The following GDA variants were observed in gnomAD, a reference collection of about 807,000 sequenced individuals.
The protein encoded by GDA is guanine deaminase.
A neutral mutation model predicts 59.6 loss-of-function variants in GDA; 18 were observed. The observed-to-expected ratio is 0.30, with a 90% confidence interval of 0.21 to 0.45. The LOEUF is 0.45. Ranked by LOEUF, GDA falls within the 20% of genes least tolerant of loss-of-function variation. GDA has a pLI of 1.00. For missense variants in GDA, 427 were observed against 552.3 expected (o/e 0.77, Z 2.27); for synonymous variants, 201 against 201.1 (o/e 1.00, Z 0.00).
chr9:72,248,380 G>A lies in GDA; in HGVS notation c.*38G>A, dbSNP rs778734479. On this transcript the variant is annotated 3_prime_UTR_variant, in exon 14 of 14. Transcript: ENST00000358399. ...TCTACAAAGTTCTCCTGGGATTAGC[G>A]TGGTTCTGCATCTCCCTTGTGCCCA... 3.8e-5 allele frequency: 62 copies of A among 1,612,746 alleles called. No individual in the cohort carries two copies. Among genetic ancestry groups the A allele is most frequent in the Non-Finnish European group, 4.3e-5 (51 of 1,179,316 alleles).
chr9:72,137,242 C>A (rs796136634), intron 1 of GDA, among the ~76,000 whole-genome samples: 2 of 84,514 alleles, frequency 2.4e-5, no homozygotes, highest in East Asian at 4.1e-4. Flanking sequence ...TTCTTTTTTT[C>A]TTTTTTTTTT....
chr9:72,225,854 G>T, intron 8 of GDA, 70 bp downstream of exon 8: 2 of 662,370 alleles, frequency 3.0e-6, no homozygotes, highest in South Asian at 2.1e-5. Context: ...AATCTCAATA[G>T]TAATCTTCAG....
At chr9:72,141,954 A>G (rs1030039606) in intron 1 of GDA, among the ~76,000 whole-genome samples, 3 of 152,190 alleles carry the variant, frequency 2.0e-5, no homozygotes, top group East Asian at 1.9e-4. Context: ...CTCTACTTCA[A>G]TATTGATCAA....
At chr9:72,206,384 T>C (rs186839072) in intron 3 of GDA, among the ~76,000 whole-genome samples, 1 of 152,284 alleles carries the variant, frequency 6.6e-6, no homozygotes, top group Non-Finnish European at 1.5e-5. Flanking sequence ...TTTTGCCGTG[T>C]ATACTATATT....
intron 2 of GDA, among the ~76,000 whole-genome samples, chr9:72,200,123 G>A (rs377306603): frequency 1.3e-3 from 194 of 149,184 alleles, no homozygotes; most frequent in African/African-American, 4.5e-3. Flanking sequence ...TCAGCCGCCC[G>A]AGTAGCTGGG....
intron 6 of GDA, among the ~76,000 whole-genome samples, chr9:72,220,375 A>G (rs532643283): frequency 2.0e-5 from 3 of 152,222 alleles, no homozygotes; most frequent in Non-Finnish European, 4.4e-5. Context: ...TATCGTTCAC[A>G]TATGTACAAA....
intron 1 of GDA, among the ~76,000 whole-genome samples, chr9:72,190,039 T>A (rs1832342019): frequency 6.6e-6 from 1 of 152,180 alleles, no homozygotes; most frequent in African/African-American, 2.4e-5. Context: ...CTCTAATCAG[T>A]GGATTAATGC....
intron 1 of GDA, among the ~76,000 whole-genome samples, chr9:72,156,780 A>T (rs1827940899): frequency 6.6e-6 from 1 of 152,146 alleles, no homozygotes; most frequent in Non-Finnish European, 1.5e-5. Flanking sequence ...CTGGTAGCTG[A>T]GGGTGACTAG....
chr9:72,145,143 G>A (rs898370818), upstream of GDA, among the ~76,000 whole-genome samples: 4 of 152,006 alleles, frequency 2.6e-5, no homozygotes, highest in East Asian at 3.9e-4. Context: ...ACTGACCTAC[G>A]CTGATTGGAT....
chr9:72,197,962 C>G (rs551298616), intron 2 of GDA, among the ~76,000 whole-genome samples: 1 of 152,110 alleles, frequency 6.6e-6, no homozygotes, highest in African/African-American at 2.4e-5. Context: ...GGCCATGGAC[C>G]CTGGACAGGT....
intron 12 of GDA, 29 bp downstream of exon 12, chr9:72,245,307 AT>A (rs1249209267): frequency 6.4e-7 from 1 of 1,558,532 alleles, no homozygotes; most frequent in South Asian, 1.1e-5. Flanking sequence ...ATCAAAAGGC[AT>A]TTATTTCATA....
chr9:72,128,339 G>A (rs1465196896), intron 1 of GDA, among the ~76,000 whole-genome samples: 3 of 152,156 alleles, frequency 2.0e-5, no homozygotes, highest in Non-Finnish European at 4.4e-5. Context: ...GTGATAGAGT[G>A]TGGTGGGGTG....
chr9:72,118,297 A>AAAAAAAAC (rs56666667), intron 1 of GDA, among the ~76,000 whole-genome samples: 1 of 148,378 alleles, frequency 6.7e-6, no homozygotes, highest in African/African-American at 2.5e-5. Context: ...AAAAAAAAAA[A>AAAAAAAAC]GAATGTAAAT....
At chr9:72,157,747 T>G (rs1229925591) in intron 1 of GDA, among the ~76,000 whole-genome samples, 1 of 152,236 alleles carries the variant, frequency 6.6e-6, no homozygotes, top group Non-Finnish European at 1.5e-5. Context: ...CACTATTGCC[T>G]CTAAGTTTCA....
Position 72,225,802 on chromosome 9 carries a change from A to T in GDA, c.822+18A>T, listed in dbSNP as rs1167243836. ...CAAATAAGGTAAGTTTTATATCATG[A>T]CATAATCTGTTTAAAGGAGGGCATA... On this transcript the variant is annotated intron_variant, in intron 8 of 13. Transcript: ENST00000358399. 1.1e-6 allele frequency: 1 copy of T among 948,258 alleles called. No individual in the cohort carries two copies. Among genetic ancestry groups the T allele is most frequent in the Non-Finnish European group, 1.7e-6 (1 of 599,024 alleles). 58.7% of individuals were successfully genotyped at this position (948,258 alleles called of 1,614,324 possible).
At chr9:72,162,034 C>T (rs1828695701) in intron 1 of GDA, among the ~76,000 whole-genome samples, 1 of 152,216 alleles carries the variant, frequency 6.6e-6, no homozygotes, top group African/African-American at 2.4e-5. Context: ...TGTTTCCTTT[C>T]AGCCTGTGTA....
chr9:72,196,623 G>C (rs903569135), intron 2 of GDA, among the ~76,000 whole-genome samples: 1 of 151,814 alleles, frequency 6.6e-6, no homozygotes, highest in Admixed American at 6.6e-5. Context: ...TGTGCAGAAC[G>C]TGCAGGTTTG....
chr9:72,122,532 C>G (rs1050348697), intron 1 of GDA, among the ~76,000 whole-genome samples: 1 of 151,820 alleles, frequency 6.6e-6, no homozygotes, highest in Non-Finnish European at 1.5e-5. Flanking sequence ...GGAGAGTTAA[C>G]GTATGTAATG....
At chr9:72,183,804 T>A (rs1435744363) in intron 1 of GDA, among the ~76,000 whole-genome samples, 1 of 152,202 alleles carries the variant, frequency 6.6e-6, no homozygotes, top group Non-Finnish European at 1.5e-5. Context: ...TTTATTATTA[T>A]CAGACATCCC....
Sources: gnomAD v4.1 joint callset for allele counts (sites outside exome capture counted in the v4.1 genomes callset) on GRCh38, gnomAD v4.1.1 for gene constraint, MANE v1.5 for transcripts, NCBI Gene and HGNC (gene_info 2026-07-23, HGNC 2026-07-21) for gene names.